INPP5F: variants seen among roughly 807,000 people sequenced by gnomAD.
INPP5F encodes the protein inositol polyphosphate-5-phosphatase F.
In INPP5F, 97 loss-of-function variants were observed where a neutral mutation model predicts 137.2. The observed-to-expected ratio is 0.71, with a 90% CI of 0.60 to 0.84. The LOEUF (loss-of-function observed/expected upper bound fraction) is 0.84. Ranked by LOEUF, INPP5F falls within the 40% of genes least tolerant of loss-of-function variation. The probability of loss-of-function intolerance (pLI) is 0.00; values close to 1 mark genes in which losing one functional copy is unlikely to be tolerated. For missense variants in INPP5F, 1,271 were observed against 1,371.9 expected (o/e 0.93, Z 1.16); for synonymous variants, 504 against 476.9 (o/e 1.06, Z -0.74).
At chr10:119,799,369 A>G (rs1237440166) in intron 9 of INPP5F, 9 of 415,260 alleles carry the variant, frequency 2.2e-5, no homozygotes, top group Admixed American at 1.2e-4. Flanking sequence ...TAGCATGTAT[A>G]TGGAGGAAAA....
intron 2 of INPP5F, among the ~76,000 whole-genome samples, chr10:119,760,950 G>A (rs193154911): frequency 6.6e-5 from 10 of 152,286 alleles, no homozygotes; most frequent in African/African-American, 4.8e-5. Flanking sequence ...TAGTACTTTA[G>A]GGGGATAAGC....
chr10:119,760,640 C>T (rs986779752), intron 2 of INPP5F, among the ~76,000 whole-genome samples: 1 of 152,130 alleles, frequency 6.6e-6, no homozygotes, highest in South Asian at 2.1e-4. Flanking sequence ...AGGAGATTCT[C>T]GATAAATTTG....
At chr10:119,784,514 A>G (rs927357168) in intron 3 of INPP5F, among the ~76,000 whole-genome samples, 2 of 152,208 alleles carry the variant, frequency 1.3e-5, no homozygotes, top group Non-Finnish European at 2.9e-5. Flanking sequence ...CATTTATTCC[A>G]GCAGCATCCT....
intron 1 of INPP5F, among the ~76,000 whole-genome samples, chr10:119,741,258 G>A (rs906398553): frequency 6.6e-6 from 1 of 152,168 alleles, no homozygotes; most frequent in African/African-American, 2.4e-5. Context: ...GCCCCTTCAT[G>A]TTCATCCTCT....
intron 19 of INPP5F, 26 bp from the exon 20 acceptor site, chr10:119,826,605 A>G (rs1265711800): frequency 6.6e-7 from 1 of 1,521,374 alleles, no homozygotes; most frequent in Non-Finnish European, 8.8e-7. Flanking sequence ...ATGGGGAATT[A>G]ACTTTTTTTC....
Position 119,726,358 on chromosome 10 carries a change from C to T in INPP5F, c.96C>T (p.Pro32=). 2 of 1,397,464 alleles carry T rather than the reference C, an allele frequency of 1.4e-6. No individual in the cohort carries two copies. The highest frequency in any genetic ancestry group is 1.5e-5 in the South Asian group (1 of 66,584). 86.6% of individuals were successfully genotyped at this position (1,397,464 alleles called of 1,614,324 possible). The change falls in exon 1 of 20, where the codon CCC becomes CCT. Residue 32 remains proline, a splice_region_variant and synonymous_variant. Coordinates refer to ENST00000650623, the MANE Select transcript of INPP5F (RefSeq NM_014937.4). ...SRRDGGLQLR[P]ATDLLLAWNP... ...GCGACGGCGGCCTCCAGCTCCGACC[C>T]GGTGAGGCTGGCGGTGCGGGCGGGG...
chr10:119,750,017 C>T (rs748902532), intron 1 of INPP5F, among the ~76,000 whole-genome samples: 66 of 152,260 alleles, frequency 4.3e-4, no homozygotes, highest in Middle Eastern at 3.4e-3. Flanking sequence ...GATCTACCCT[C>T]CCCAGCCTCC....
intron 6 of INPP5F, among the ~76,000 whole-genome samples, chr10:119,792,572 T>G (rs1301640257): frequency 6.6e-6 from 1 of 151,296 alleles, no homozygotes. Flanking sequence ...TACCAGTTTT[T>G]TTTTTTTTTT....
chr10:119,771,229 T>C (rs1849324596), intron 2 of INPP5F, among the ~76,000 whole-genome samples: 2 of 151,610 alleles, frequency 1.3e-5, no homozygotes, highest in African/African-American at 2.4e-5. Context: ...TTTGTGATTG[T>C]TTTTTTTCAC....
At chr10:119,730,399 C>T (rs764974729) in intron 1 of INPP5F, among the ~76,000 whole-genome samples, 72 of 152,328 alleles carry the variant, frequency 4.7e-4, no homozygotes, top group African/African-American at 1.5e-3. Context: ...CATGAGCCAC[C>T]GCGCCCGGCC....
Position 119,804,223 on chromosome 10 carries a change from T to C in INPP5F, c.1167T>C (p.Asp389=). 1 of 1,612,030 alleles carries C rather than the reference T, an allele frequency of 6.2e-7. No homozygotes were observed. Among genetic ancestry groups the C allele is most frequent in the Non-Finnish European group, 8.5e-7 (1 of 1,178,486 alleles). ...CAGGAAGAGAGAAGATTATTGGCGA[T>C]GCTTACCTGAAGCAAGTGTTGCTTT... ...DQAGREKIIG[D]AYLKQVLLFN... Residue 389 remains aspartate, a synonymous_variant, in exon 10 of 20, where the codon GAT becomes GAC. Coordinates refer to ENST00000650623, the MANE Select transcript of INPP5F (RefSeq NM_014937.4).
At chr10:119,819,498 A>T (rs1270439863) in intron 15 of INPP5F, 3 of 1,605,580 alleles carry the variant, frequency 1.9e-6, no homozygotes, top group South Asian at 1.1e-5. Context: ...GTCATGACGT[A>T]ATTTTTATGG....
chr10:119,760,398 C>T (rs1241896336), intron 2 of INPP5F, among the ~76,000 whole-genome samples: 1 of 152,112 alleles, frequency 6.6e-6, no homozygotes, highest in Non-Finnish European at 1.5e-5. Context: ...TATGATCATG[C>T]CTGTGAATAG....
At chr10:119,763,106 A>G (rs1048436980) in intron 2 of INPP5F, among the ~76,000 whole-genome samples, 4 of 152,250 alleles carry the variant, frequency 2.6e-5, no homozygotes, top group Non-Finnish European at 5.9e-5. Context: ...TTCCATTTTC[A>G]AAAGAGAAAT....
chr10:119,819,606 C>A, intron 15 of INPP5F: 1 of 1,276,044 alleles, frequency 7.8e-7, no homozygotes, highest in South Asian at 1.7e-5. Context: ...ATGAAGCTGT[C>A]TGGATCGGTC....
chr10:119,792,472 G>A (rs569289179), intron 6 of INPP5F, among the ~76,000 whole-genome samples: 6 of 151,952 alleles, frequency 3.9e-5, no homozygotes, highest in Admixed American at 1.3e-4. Context: ...GTAAGTTAAG[G>A]CTGTGGAACT....
intron 2 of INPP5F, among the ~76,000 whole-genome samples, chr10:119,776,937 G>T (rs1310110902): frequency 6.6e-6 from 1 of 152,068 alleles, no homozygotes; most frequent in East Asian, 1.9e-4. Flanking sequence ...CTTTTGCAGA[G>T]ATGGGGTTTC....
At chr10:119,800,931 G>C (rs1276246532) in intron 9 of INPP5F, among the ~76,000 whole-genome samples, 3 of 119,164 alleles carry the variant, frequency 2.5e-5, no homozygotes, top group African/African-American at 9.7e-5. Flanking sequence ...GCAGGTGACA[G>C]AGCAACACTC....
chr10:119,793,408 A>G (rs1285555927), intron 6 of INPP5F, among the ~76,000 whole-genome samples: 4 of 151,532 alleles, frequency 2.6e-5, no homozygotes, highest in African/African-American at 7.3e-5. Flanking sequence ...ACAAAACAAA[A>G]CAAAACAAAA....
Sources: allele counts gnomAD v4.1 joint callset (sites outside exome capture counted in the v4.1 genomes callset), GRCh38; gene constraint gnomAD v4.1.1; transcripts MANE v1.5; gene names NCBI Gene and HGNC (gene_info 2026-07-23, HGNC 2026-07-21).